EML4: variants seen among roughly 807,000 people sequenced by gnomAD.
EML4 encodes the protein EMAP like 4, also known as echinoderm microtubule-associated protein-like 4.
A neutral mutation model predicts 129.0 loss-of-function variants in EML4; 72 were observed. The ratio of observed to expected loss-of-function variants is 0.56; its 90% CI spans 0.46 to 0.68. The LOEUF is 0.68. Among genes scored for constraint, EML4 ranks in the 30% least tolerant of loss-of-function variants. EML4 has a pLI of 0.00. For missense variants in EML4, 1,363 were observed against 1,190.6 expected (o/e 1.14, Z -2.13); for synonymous variants, 532 against 405.0 (o/e 1.31, Z -3.77).
At chr2:42,282,746 C>T (rs551111088) in intron 7 of EML4, 77 bp from the exon 8 acceptor site, 3 of 1,270,326 alleles carry the variant, frequency 2.4e-6, no homozygotes, top group African/African-American at 3.0e-5. Context: ...CTTCCTAATT[C>T]CTTAAGTATC....
chr2:42,301,397 G>A lies in EML4; in HGVS notation c.1641+5G>A. The A allele has an allele frequency of 3.1e-6, 5 of 1,601,328 alleles. No individual in the cohort carries two copies. The highest frequency in any genetic ancestry group is 4.3e-6 in the Non-Finnish European group (5 of 1,174,410). The stretch of plus-strand genomic sequence containing the variant: ...AATCCTGAAAGAGAAATAGAGGTAA[G>A]GATGGAAACGGAATATAAAAATATT... On this transcript the variant is annotated splice_donor_5th_base_variant and intron_variant, in intron 14 of 22. Coordinates refer to ENST00000318522, the MANE Select transcript of EML4 (RefSeq NM_019063.5).
chr2:42,225,747 T>C (rs963187595), intron 1 of EML4, among the ~76,000 whole-genome samples: 2 of 152,168 alleles, frequency 1.3e-5, no homozygotes, highest in Non-Finnish European at 2.9e-5. Context: ...GTCATGTCTT[T>C]TTTGCATTTT....
chr2:42,290,890 G>T (rs1381830520), intron 11 of EML4, among the ~76,000 whole-genome samples: 1 of 152,128 alleles, frequency 6.6e-6, no homozygotes, highest in African/African-American at 2.4e-5. Context: ...ACATTTAGCA[G>T]AGTCAAAACT....
chr2:42,274,798 TA>T, intron 6 of EML4, among the ~76,000 whole-genome samples: 1 of 152,046 alleles, frequency 6.6e-6, no homozygotes, highest in East Asian at 1.9e-4. Flanking sequence ...GATACAAAAG[TA>T]GAAGAGCAAA....
At position 42,195,044 on chromosome 2, in the gene EML4, A is replaced by G. The variant is rs749213244; in HGVS notation, c.25+25408A>G. 3.3e-5 allele frequency among the ~76,000 whole-genome samples: 5 copies of G among 152,300 alleles called. No homozygotes were observed. In the East Asian group the frequency reaches 5.8e-4, roughly 18 times the overall value. ...TATTATAAAATTATTAGTTATTTCA[A>G]AGTAGTTGCATGGTTAGCTAGTTCA... On this transcript the variant is annotated intron_variant, in intron 1 of 22. Transcript: ENST00000318522.
rs573479457 is a variant in EML4 at position 42,177,487 on chromosome 2, G to A, written c.25+7851G>A. On this transcript the variant is annotated intron_variant, in intron 1 of 22. Coordinates refer to ENST00000318522, the MANE Select transcript of EML4 (RefSeq NM_019063.5). ...AGTACAAAAAAATTAGCCAGGCATGGTGGTGCACGCCTGTGGTCCCAGATA... is the reference window on the plus strand; with the variant it reads ...AGTACAAAAAAATTAGCCAGGCATGATGGTGCACGCCTGTGGTCCCAGATA... Among the ~76,000 whole-genome samples the A allele has an allele frequency of 1.6e-3, 237 of 152,164 alleles. 1 individual carries two copies. The highest frequency in any genetic ancestry group is 5.5e-3 in the African/African-American group (229 of 41,516).
At chr2:42,314,101 A>G (rs747422867) in intron 17 of EML4, among the ~76,000 whole-genome samples, 51 of 151,678 alleles carry the variant, frequency 3.4e-4, no homozygotes, top group Admixed American at 7.9e-4. Flanking sequence ...GCTCATGCCT[A>G]TAATCCCAGC....
chr2:42,299,333 G>C (rs1462396776), intron 13 of EML4, among the ~76,000 whole-genome samples: 1 of 152,188 alleles, frequency 6.6e-6, no homozygotes, highest in African/African-American at 2.4e-5. Context: ...TATAATAGCA[G>C]CTCAAATAGA....
intron 13 of EML4, among the ~76,000 whole-genome samples, chr2:42,298,307 C>G (rs541429835): frequency 6.6e-6 from 1 of 152,204 alleles, no homozygotes; most frequent in East Asian, 1.9e-4. Flanking sequence ...TTTATGGAAG[C>G]TTTGTGTCTG....
At chr2:42,269,528 C>T (rs1362658069) in intron 6 of EML4, among the ~76,000 whole-genome samples, 4 of 152,224 alleles carry the variant, frequency 2.6e-5, no homozygotes, top group East Asian at 3.9e-4. Context: ...ATAAATACTT[C>T]ATATGTCAGG....
chr2:42,331,893 G>C lies in EML4; in HGVS notation c.*1686G>C. On this transcript the variant is annotated 3_prime_UTR_variant, in exon 23 of 23. Transcript: ENST00000318522. ...GAAAATACTCAGTGTAGATCTCTAT[G>C]TGTATAGGTATCTGTATATCTTTCC... 1 of 194,652 alleles carries C rather than the reference G, an allele frequency of 5.1e-6. No homozygotes were observed. Among genetic ancestry groups the C allele is most frequent in the Non-Finnish European group, 1.0e-5 (1 of 98,208 alleles). The allele number at this position is 194,652 out of a possible 1,614,324, so 12.1% of individuals were successfully genotyped here.
chr2:42,265,362 C>T (rs997973044), intron 6 of EML4, among the ~76,000 whole-genome samples: 5 of 152,150 alleles, frequency 3.3e-5, no homozygotes, highest in African/African-American at 1.2e-4. Context: ...GCCTCAGCCT[C>T]CCAAAGTGCA....
At chr2:42,191,575 A>G (rs1210569480) in intron 1 of EML4, among the ~76,000 whole-genome samples, 1 of 152,198 alleles carries the variant, frequency 6.6e-6, no homozygotes, top group Non-Finnish European at 1.5e-5. Flanking sequence ...AATGAAGGAT[A>G]GGGTAGTGCA....
At chr2:42,315,873 T>C in intron 17 of EML4, 89 bp from the exon 18 acceptor site, 1 of 915,282 alleles carries the variant, frequency 1.1e-6, no homozygotes, top group Non-Finnish European at 1.7e-6. Context: ...AAAGCAAGAC[T>C]CCATCTCAAA....
At chr2:42,170,597 A>T (rs902698963) in intron 1 of EML4, among the ~76,000 whole-genome samples, 1 of 152,244 alleles carries the variant, frequency 6.6e-6, no homozygotes, top group Non-Finnish European at 1.5e-5. Context: ...CTAGAAGCTG[A>T]ATCTGGAATT....
intron 1 of EML4, among the ~76,000 whole-genome samples, chr2:42,238,505 G>A (rs1370455491): frequency 1.3e-5 from 2 of 152,224 alleles, no homozygotes; most frequent in Non-Finnish European, 2.9e-5. Context: ...CACTTTGGGA[G>A]GCTGAGAGGG....
chr2:42,258,450 G>A (rs779179718), intron 3 of EML4, among the ~76,000 whole-genome samples: 7 of 151,804 alleles, frequency 4.6e-5, no homozygotes, highest in Non-Finnish European at 1.0e-4. Flanking sequence ...GCCCAGGCTG[G>A]AGTGCAATGG....
rs1353155595 is a variant in EML4 at position 42,284,686 on chromosome 2, G to A, written c.994G>A (p.Val332Met). ...IRIATGQIAG[V>M]DKDGRPLQPH... is the part of the protein sequence containing the mutation. ...GATTGCAACTGGACAGATAGCTGGC[G>A]TGGATAAAGATGGAAGGGTGAGTGG... Residue 332 changes from valine (V) to methionine (M), a missense_variant, in exon 9 of 23, where the codon GTG becomes ATG. Val to Met is a conservative substitution (Grantham distance 21). Coordinates refer to ENST00000318522, the MANE Select transcript of EML4 (RefSeq NM_019063.5). 12 of 1,612,562 alleles carry A rather than the reference G, an allele frequency of 7.4e-6. No homozygotes were observed. The highest frequency in any genetic ancestry group is 1.7e-5 in the Admixed American group (1 of 59,854).
Position 42,330,333 on chromosome 2 carries a change from T to C in EML4, c.*126T>C. On this transcript the variant is annotated 3_prime_UTR_variant, in exon 23 of 23. Coordinates refer to ENST00000318522, the MANE Select transcript of EML4 (RefSeq NM_019063.5). ...AGATTTTGGTTTCCATGTGATTTGT[T>C]TTCTTCAATAGTCTTATTTTCAGTC... is the stretch of plus-strand genomic sequence containing the variant. 1 of 833,330 alleles carries C rather than the reference T, an allele frequency of 1.2e-6. No homozygotes were observed. The highest frequency in any genetic ancestry group is 2.0e-6 in the Non-Finnish European group (1 of 502,116). The allele number at this position is 833,330 out of a possible 1,614,324, so 51.6% of individuals were successfully genotyped here. A position where few individuals can be genotyped will look rare whatever the true frequency, so the allele number is the denominator to read the frequency against.
Sources: gnomAD v4.1 joint callset for allele counts (sites outside exome capture counted in the v4.1 genomes callset) on GRCh38, gnomAD v4.1.1 for gene constraint, MANE v1.5 for transcripts, NCBI Gene and HGNC (gene_info 2026-07-23, HGNC 2026-07-21) for gene names.